The following STRBP variants were observed in gnomAD, a reference collection of about 807,000 sequenced individuals.
STRBP encodes the protein spermatid perinuclear RNA binding protein, also known as spermatid perinuclear RNA-binding protein.
A neutral mutation model predicts 80.1 loss-of-function variants in STRBP; 13 were observed. The observed-to-expected ratio is 0.16, with a 90% CI of 0.11 to 0.26. The LOEUF is 0.26. Ranked by LOEUF, STRBP falls within the 10% of genes least tolerant of loss-of-function variation. The pLI is 1.00. For missense variants in STRBP, 485 were observed against 815.2 expected, an observed-to-expected ratio of 0.59 and a Z score of 4.93; for synonymous variants, 284 against 291.2, an observed-to-expected ratio of 0.98 and a Z score of 0.25.
chr9:123,130,706 G>A (rs1413998956), intron 17 of STRBP, among the ~76,000 whole-genome samples: 1 of 152,166 alleles, frequency 6.6e-6, no homozygotes, highest in Non-Finnish European at 1.5e-5. Context: ...ACAGAAGACT[G>A]TCTTAATTTT....
At chr9:123,168,813 T>C (rs1319139410) in intron 6 of STRBP, among the ~76,000 whole-genome samples, 2 of 152,144 alleles carry the variant, frequency 1.3e-5, no homozygotes, top group African/African-American at 4.8e-5. Context: ...ACAAGCTAAC[T>C]TGACAGGATA....
rs941471411 is a variant in STRBP at position 123,250,513 on chromosome 9, T to TA, written c.-301-13548dup. On this transcript the variant is annotated intron_variant, in intron 1 of 18. Transcript: ENST00000348403. ...TTAAGATTGTAAAAGGGTCTATAGT[T>TA]AAAAAAAAAAGTTTTTTTTGAGAAC... Among the ~76,000 whole-genome samples the TA allele has an allele frequency of 1.3e-3, 193 of 149,410 alleles. 1 individual carries two copies. The highest frequency in any genetic ancestry group is 3.3e-3 in the African/African-American group (136 of 40,802).
At chr9:123,258,859 C>CAA (rs1241756045) in intron 1 of STRBP, among the ~76,000 whole-genome samples, 3 of 148,606 alleles carry the variant, frequency 2.0e-5, no homozygotes, top group Non-Finnish European at 4.5e-5. Flanking sequence ...ATGGAGTAAG[C>CAA]AAAAAGAAGA....
chr9:123,148,396 A>T (rs2036911372), intron 11 of STRBP, among the ~76,000 whole-genome samples: 1 of 152,180 alleles, frequency 6.6e-6, no homozygotes, highest in Admixed American at 6.5e-5. Flanking sequence ...GAGGGCAATA[A>T]ATTTCTGTTG....
At chr9:123,233,277 G>A (rs1442610572) in intron 2 of STRBP, among the ~76,000 whole-genome samples, 2 of 152,066 alleles carry the variant, frequency 1.3e-5, no homozygotes, top group Admixed American at 6.5e-5. Flanking sequence ...GTCTCACTAC[G>A]TTGCCCAGGC....
chr9:123,220,134 A>T (rs1442668504), intron 2 of STRBP, among the ~76,000 whole-genome samples: 1 of 152,256 alleles, frequency 6.6e-6, no homozygotes, highest in Non-Finnish European at 1.5e-5. Flanking sequence ...AGAGGTAAGC[A>T]TATGGGTAAA....
intron 2 of STRBP, among the ~76,000 whole-genome samples, chr9:123,207,725 A>C (rs2039570447): frequency 6.6e-6 from 1 of 152,158 alleles, no homozygotes; most frequent in Non-Finnish European, 1.5e-5. Flanking sequence ...CAGAACTTAA[A>C]GTATAATAAA....
chr9:123,209,574 C>T (rs1336447091), intron 2 of STRBP, among the ~76,000 whole-genome samples: 1 of 152,144 alleles, frequency 6.6e-6, no homozygotes, highest in East Asian at 1.9e-4. Flanking sequence ...TTTCCCAACG[C>T]AGAAACAACA....
intron 2 of STRBP, among the ~76,000 whole-genome samples, chr9:123,222,558 T>C (rs2040100996): frequency 6.6e-6 from 1 of 152,164 alleles, no homozygotes; most frequent in Non-Finnish European, 1.5e-5. Context: ...AGGAGCCACC[T>C]ATACTAAACT....
intron 1 of STRBP, among the ~76,000 whole-genome samples, chr9:123,266,914 G>A (rs1166385957): frequency 1.3e-5 from 2 of 151,526 alleles, no homozygotes; most frequent in East Asian, 1.9e-4. Flanking sequence ...CCCCAAACCT[G>A]TGCTTCCCTC....
chr9:123,126,224 G>C lies in STRBP; in HGVS notation c.1943-551C>G, dbSNP rs1227125879. ...GCCTCACAGACTTCTGCATAGTCGAGCATGATTTGAAATCTGCTCCTCTTC... is the reference window on the plus strand; with the variant it reads ...GCCTCACAGACTTCTGCATAGTCGACCATGATTTGAAATCTGCTCCTCTTC... On this transcript the variant is annotated intron_variant, in intron 18 of 18. Coordinates refer to ENST00000348403, the MANE Select transcript of STRBP (RefSeq NM_018387.5). The surrounding 1 kb of genome is among the most constrained non-coding windows in gnomAD (Gnocchi z 4.4). 2.0e-5 allele frequency among the ~76,000 whole-genome samples: 3 copies of C among 152,184 alleles called. No individual in the cohort carries two copies. Among genetic ancestry groups the C allele is most frequent in the Non-Finnish European group, 4.4e-5 (3 of 68,036 alleles).
intron 13 of STRBP, among the ~76,000 whole-genome samples, chr9:123,140,459 C>T (rs1246942302): frequency 2.6e-5 from 4 of 151,998 alleles, no homozygotes; most frequent in African/African-American, 7.3e-5. Context: ...CTGGGTGTGG[C>T]GGTGCATGCC....
In STRBP at chr9:123,136,540, G is replaced by T. The variant is rs763605842; in HGVS notation, c.1498-25C>A. Reference sequence around the variant, plus strand: ...CCTATAAGAGAAAGGGAATCTGAAGGTTCAATCAAGTAAGATTTTAGAATA... The same window carrying T: ...CCTATAAGAGAAAGGGAATCTGAAGTTTCAATCAAGTAAGATTTTAGAATA... On this transcript the variant is annotated intron_variant, in intron 14 of 18. Coordinates refer to ENST00000348403, the MANE Select transcript of STRBP (RefSeq NM_018387.5). This position sits in a 1 kb window ranked among gnomAD's most constrained non-coding sequence, Gnocchi z 4.2. The T allele has an allele frequency of 5.0e-6, 8 of 1,605,646 alleles. No homozygotes were observed. In the South Asian group the frequency reaches 6.7e-5, roughly 13 times the overall value.
chr9:123,244,277 G>T (rs1200667426), intron 1 of STRBP, among the ~76,000 whole-genome samples: 1 of 152,146 alleles, frequency 6.6e-6, no homozygotes, highest in East Asian at 1.9e-4. Context: ...AACAGTAAAA[G>T]GATCAGTGGT....
chr9:123,255,835 C>T (rs943315516), intron 1 of STRBP, among the ~76,000 whole-genome samples: 2 of 152,020 alleles, frequency 1.3e-5, no homozygotes. Context: ...CACCTGCAAA[C>T]GTTATACCAA....
intron 14 of STRBP, among the ~76,000 whole-genome samples, chr9:123,137,269 T>C (rs998770820): frequency 1.3e-5 from 2 of 152,114 alleles, no homozygotes; most frequent in African/African-American, 4.8e-5. Flanking sequence ...ACCCACAAAA[T>C]ACAACTATAA....
At chr9:123,223,504 T>G (rs2040139823) in intron 2 of STRBP, among the ~76,000 whole-genome samples, 1 of 152,192 alleles carries the variant, frequency 6.6e-6, no homozygotes, top group African/African-American at 2.4e-5. Context: ...TCAATTTTTA[T>G]GTCAATCTAA....
intron 2 of STRBP, chr9:123,212,656 C>T (rs2039751423): frequency 6.6e-6 from 1 of 152,066 alleles, no homozygotes; most frequent in African/African-American, 2.4e-5. Context: ...GAATATTATC[C>T]ACAGATAAGC....
Position 123,136,116 on chromosome 9 carries a change from T to G in STRBP, c.1698A>C (p.Ala566=). The change falls in exon 16 of 19, where the codon GCA becomes GCC. Residue 566 remains alanine, a synonymous_variant. Transcript: ENST00000348403. This position sits in a 1 kb window ranked among gnomAD's most constrained non-coding sequence, Gnocchi z 4.2. ...ACAGTTTCTCCAAGGCAGCTAAAGC[T>G]GCACTCGCCTTTGCCACTTTCTTAT... The part of the protein sequence containing the change: ...GPNKKVAKAS[A]ALAALEKLFS... 1 of 1,614,238 alleles carries G rather than the reference T, an allele frequency of 6.2e-7. No individual in the cohort carries two copies. The highest frequency in any genetic ancestry group is 8.5e-7 in the Non-Finnish European group (1 of 1,180,032).
Sources: allele counts gnomAD v4.1 joint callset (sites outside exome capture counted in the v4.1 genomes callset), GRCh38; gene constraint gnomAD v4.1.1; non-coding constraint Gnocchi (gnomAD v3.1); transcripts MANE v1.5; gene names NCBI Gene and HGNC (gene_info 2026-07-23, HGNC 2026-07-21).